The following RALYL variants were observed in gnomAD, a reference collection of about 807,000 sequenced individuals.
RALYL encodes RNA-binding Raly-like protein.
RALYL carries 29 observed loss-of-function variants against 35.1 expected under a neutral mutation model. The observed-to-expected ratio is 0.83, with a 90% CI of 0.61 to 1.13. The LOEUF is 1.13. Ranked by LOEUF, RALYL falls within the 50% of genes most tolerant of loss-of-function variation. The probability of loss-of-function intolerance (pLI) is 0.00; values close to 1 mark genes in which losing one functional copy is unlikely to be tolerated. For synonymous variants in RALYL, 120 were observed against 127.6 expected, an observed-to-expected ratio of 0.94 and a Z score of 0.40; for missense variants, 359 against 360.4, an observed-to-expected ratio of 1.00 and a Z score of 0.03.
intron 1 of RALYL, among the ~76,000 whole-genome samples, chr8:84,383,587 T>A (rs1004462720): frequency 6.6e-6 from 1 of 151,438 alleles, no homozygotes; most frequent in Non-Finnish European, 1.5e-5. Context: ...TTAAAAAAAA[T>A]ATGGGTCTAA....
intron 1 of RALYL, among the ~76,000 whole-genome samples, chr8:84,248,487 T>C (rs918483476): frequency 2.0e-5 from 3 of 152,148 alleles, no homozygotes; most frequent in Non-Finnish European, 4.4e-5. Flanking sequence ...TCTAATATTG[T>C]TTCCACAAAA....
intron 4 of RALYL, among the ~76,000 whole-genome samples, chr8:84,816,232 T>C (rs191124913): frequency 2.0e-4 from 30 of 152,232 alleles, no homozygotes; most frequent in African/African-American, 6.0e-4. Flanking sequence ...TAAGGTTACA[T>C]GTCAAAAAAT....
At chr8:84,617,156 G>A (rs999178079) in intron 2 of RALYL, among the ~76,000 whole-genome samples, 5 of 150,332 alleles carry the variant, frequency 3.3e-5, no homozygotes, top group Non-Finnish European at 7.4e-5. Flanking sequence ...GATGGGGATG[G>A]CATTGAATCT....
At chr8:84,520,690 T>C (rs1306278584) in intron 1 of RALYL, among the ~76,000 whole-genome samples, 1 of 152,156 alleles carries the variant, frequency 6.6e-6, no homozygotes, top group African/African-American at 2.4e-5. Context: ...TAGATCCTCA[T>C]AGAAGTGTGA....
rs542917417 is a variant in RALYL at position 84,811,956 on chromosome 8, TC to T, written c.365+7157del. On this transcript the variant is annotated intron_variant, in intron 4 of 8. Transcript: ENST00000521268. The stretch of plus-strand genomic sequence containing the variant: ...TTGGGCTTTGCCTTTCTCTGGTGCC[TC>T]CCTGATTAGCTTAATAACTAACCTC... Among the ~76,000 whole-genome samples, 41 of 152,304 alleles carry T rather than the reference TC, an allele frequency of 2.7e-4. No homozygotes were observed. The East Asian group carries it at 6.4e-3, about 24-fold the overall frequency.
intron 1 of RALYL, among the ~76,000 whole-genome samples, chr8:84,283,371 A>G (rs1417937920): frequency 6.6e-6 from 1 of 152,136 alleles, no homozygotes; most frequent in East Asian, 1.9e-4. Context: ...ATCACTACCT[A>G]GAAAGAGCCA....
At chr8:84,803,724 G>A (rs1337654458) in intron 3 of RALYL, among the ~76,000 whole-genome samples, 3 of 152,132 alleles carry the variant, frequency 2.0e-5, no homozygotes, top group African/African-American at 4.8e-5. Flanking sequence ...GCCTATAAAT[G>A]CACCAAGGCA....
chr8:84,779,756 G>C (rs532907452), intron 3 of RALYL, among the ~76,000 whole-genome samples: 1 of 152,298 alleles, frequency 6.6e-6, no homozygotes, highest in Admixed American at 6.5e-5. Flanking sequence ...ACCAAGTAAG[G>C]TGACTGCAGC....
At chr8:84,494,442 T>TTA in intron 1 of RALYL, among the ~76,000 whole-genome samples, 1 of 152,108 alleles carries the variant, frequency 6.6e-6, no homozygotes, top group East Asian at 1.9e-4. Context: ...CTGTGAAGAA[T>TTA]GTTCATGGTA....
At chr8:84,264,632 T>C (rs974973100) in intron 1 of RALYL, among the ~76,000 whole-genome samples, 15 of 152,140 alleles carry the variant, frequency 9.9e-5, no homozygotes, top group African/African-American at 3.6e-4. Context: ...AAATTCTTAG[T>C]AATTGATCAG....
At chr8:84,580,247 T>C (rs1187272342) in intron 2 of RALYL, among the ~76,000 whole-genome samples, 1 of 152,250 alleles carries the variant, frequency 6.6e-6, no homozygotes, top group African/African-American at 2.4e-5. Context: ...TTATTGTCTA[T>C]GTCTTAATCC....
chr8:84,528,362 G>A (rs13271249), intron 1 of RALYL, among the ~76,000 whole-genome samples: 54,403 of 151,776 alleles, frequency 0.36, 9,915 homozygotes, highest in South Asian at 0.51. Context: ...AGGAAAGAAG[G>A]GAAGGAAGGA....
At chr8:84,660,639 C>T (rs1260272600) in intron 2 of RALYL, among the ~76,000 whole-genome samples, 1 of 150,650 alleles carries the variant, frequency 6.6e-6, no homozygotes, top group Non-Finnish European at 1.5e-5. Context: ...TTTTGCTTTT[C>T]CCCAGTTTTA....
intron 1 of RALYL, among the ~76,000 whole-genome samples, chr8:84,360,060 A>T (rs922675674): frequency 3.3e-5 from 5 of 152,022 alleles, no homozygotes; most frequent in Non-Finnish European, 7.4e-5. Context: ...TTTAGTAAAG[A>T]TGGGGTTTTG....
At chr8:84,266,669 G>C (rs1014704535) in intron 1 of RALYL, among the ~76,000 whole-genome samples, 2 of 152,130 alleles carry the variant, frequency 1.3e-5, no homozygotes, top group South Asian at 4.1e-4. Context: ...GTAGGTAAAT[G>C]CCAGTCCTTT....
chr8:84,423,864 G>A (rs2045996332), intron 1 of RALYL, among the ~76,000 whole-genome samples: 1 of 151,652 alleles, frequency 6.6e-6, no homozygotes, highest in African/African-American at 2.4e-5. Context: ...CTTTAAGAAT[G>A]TTGAATATTG....
At chr8:84,561,609 C>A (rs2061475433) in intron 2 of RALYL, among the ~76,000 whole-genome samples, 1 of 151,872 alleles carries the variant, frequency 6.6e-6, no homozygotes, top group Non-Finnish European at 1.5e-5. Flanking sequence ...TAACAATATG[C>A]CAGCATCACT....
chr8:84,482,720 C>G (rs1793626394), intron 1 of RALYL, among the ~76,000 whole-genome samples: 1 of 152,070 alleles, frequency 6.6e-6, no homozygotes, highest in Non-Finnish European at 1.5e-5. Flanking sequence ...AGCTGTGTGT[C>G]TGTTTCACCT....
chr8:84,866,842 G>A (rs1039175513), intron 6 of RALYL, among the ~76,000 whole-genome samples: 1 of 152,148 alleles, frequency 6.6e-6, no homozygotes, highest in African/African-American at 2.4e-5. Flanking sequence ...GAAAAACTGT[G>A]CAGAGTATTG....
Sources: allele counts gnomAD v4.1 joint callset (sites outside exome capture counted in the v4.1 genomes callset), GRCh38; gene constraint gnomAD v4.1.1; transcripts MANE v1.5; gene names NCBI Gene and HGNC (gene_info 2026-07-23, HGNC 2026-07-21).